CTNNA2: variants seen among roughly 807,000 people sequenced by gnomAD.
CTNNA2 encodes the protein catenin alpha 2.
In CTNNA2, 42 loss-of-function variants were observed where a neutral mutation model predicts 101.0. The ratio of observed to expected loss-of-function variants is 0.42; its 90% CI spans 0.32 to 0.54. CTNNA2 has a LOEUF of 0.54. CTNNA2 is among the 20% of genes least tolerant of loss of function. CTNNA2 has a pLI of 0.14. For missense variants in CTNNA2, 871 were observed against 1,223.1 expected (o/e 0.71, Z 4.29); for synonymous variants, 450 against 456.4 (o/e 0.99, Z 0.18).
At chr2:79,679,419 C>T (rs898391380) in intron 2 of CTNNA2, among the ~76,000 whole-genome samples, 6 of 152,094 alleles carry the variant, frequency 3.9e-5, no homozygotes, top group Middle Eastern at 3.2e-3. Flanking sequence ...ACCATGTCCC[C>T]GAGCCCTTTT....
At chr2:80,427,855 G>A (rs1001068620) in intron 9 of CTNNA2, among the ~76,000 whole-genome samples, 1 of 152,204 alleles carries the variant, frequency 6.6e-6, no homozygotes, top group African/African-American at 2.4e-5. Flanking sequence ...CTAGTTGCTG[G>A]CAACATAACC....
intron 1 of CTNNA2, among the ~76,000 whole-genome samples, chr2:79,570,299 A>G (rs1675383027): frequency 6.6e-6 from 1 of 152,128 alleles, no homozygotes; most frequent in South Asian, 2.1e-4. Context: ...TCTCTTATGT[A>G]TCTTTTGGGA....
At chr2:79,850,752 G>A (rs569077935) in intron 3 of CTNNA2, among the ~76,000 whole-genome samples, 1 of 152,276 alleles carries the variant, frequency 6.6e-6, no homozygotes, top group South Asian at 2.1e-4. Context: ...GTGACAATGA[G>A]AACACTTCCT....
At chr2:79,674,395 T>C (rs561473474) in intron 2 of CTNNA2, among the ~76,000 whole-genome samples, 3 of 152,346 alleles carry the variant, frequency 2.0e-5, no homozygotes, top group Admixed American at 2.0e-4. Flanking sequence ...CTCTGTAACT[T>C]CAGTTTGTTT....
At chr2:80,393,994 A>G (rs1263511921) in intron 8 of CTNNA2, among the ~76,000 whole-genome samples, 2 of 152,182 alleles carry the variant, frequency 1.3e-5, no homozygotes, top group Non-Finnish European at 2.9e-5. Context: ...AAGAGATTCT[A>G]TCACCCACTG....
At chr2:80,313,639 C>T (rs570830007) in intron 7 of CTNNA2, 4 of 1,608,012 alleles carry the variant, frequency 2.5e-6, no homozygotes, top group South Asian at 1.1e-5. Context: ...AGATGCATAC[C>T]ATGTCTGGAG....
chr2:79,958,381 G>A (rs1689390373), intron 7 of CTNNA2, among the ~76,000 whole-genome samples: 1 of 152,156 alleles, frequency 6.6e-6, no homozygotes, highest in African/African-American at 2.4e-5. Flanking sequence ...ATCTGGAGAT[G>A]GAGAGACTGT....
At position 79,412,697 on chromosome 2, in the gene CTNNA2, C is replaced by G. The variant is rs71424881; in HGVS notation, c.-135+38684C>G. Among the ~76,000 whole-genome samples the G allele has an allele frequency of 7.2e-5, 11 of 151,830 alleles. No individual in the cohort carries two copies. In the East Asian group the frequency reaches 1.4e-3, roughly 19 times the overall value. ...AAATAAAGATGTTCTTTGAAGCCAACGAGAACAAAGACACAGCATACCAGA... is the reference window on the plus strand; with the variant it reads ...AAATAAAGATGTTCTTTGAAGCCAAGGAGAACAAAGACACAGCATACCAGA... On this transcript the variant is annotated intron_variant, in intron 4 of 21. Coordinates refer to the CTNNA2 transcript ENST00000466387.
chr2:79,649,014 TG>T (rs2104461196), intron 1 of CTNNA2, among the ~76,000 whole-genome samples: 1 of 152,290 alleles, frequency 6.6e-6, no homozygotes. Flanking sequence ...TGGGAACTAT[TG>T]TTCTTTTATT....
At chr2:79,602,068 G>A (rs890990507) in intron 1 of CTNNA2, among the ~76,000 whole-genome samples, 2 of 152,234 alleles carry the variant, frequency 1.3e-5, no homozygotes, top group East Asian at 1.9e-4. Context: ...GGGTATTTGT[G>A]TTATAGTGTC....
intron 12 of CTNNA2, among the ~76,000 whole-genome samples, chr2:80,563,416 T>C (rs924385728): frequency 5.3e-5 from 8 of 152,148 alleles, no homozygotes; most frequent in Non-Finnish European, 1.2e-4. Flanking sequence ...ATTCCAGAAA[T>C]AGTTTTGGTA....
At chr2:80,540,780 C>T (rs1297143836) in intron 9 of CTNNA2, among the ~76,000 whole-genome samples, 6 of 152,028 alleles carry the variant, frequency 3.9e-5, no homozygotes, top group African/African-American at 7.2e-5. Flanking sequence ...CTGCAAACTG[C>T]GCTTCCCGGT....
At chr2:79,469,451 C>T (rs428707) in intron 4 of CTNNA2, among the ~76,000 whole-genome samples, 1 of 151,946 alleles carries the variant, frequency 6.6e-6, no homozygotes, top group Non-Finnish European at 1.5e-5. Context: ...ACCAGAGGTA[C>T]AAGGAGGAGC....
At chr2:80,343,421 A>C (rs1480107040) in intron 7 of CTNNA2, among the ~76,000 whole-genome samples, 2 of 151,802 alleles carry the variant, frequency 1.3e-5, no homozygotes, top group Admixed American at 6.6e-5. Flanking sequence ...AAAAAAAAAA[A>C]AAACACATAA....
chr2:80,373,182 A>G (rs116644145), intron 7 of CTNNA2, among the ~76,000 whole-genome samples: 4 of 124,676 alleles, frequency 3.2e-5, no homozygotes, highest in Non-Finnish European at 7.6e-5. Context: ...TGGAGTGAAC[A>G]AATCAGGACC....
chr2:80,012,782 T>G (rs1487776244), intron 7 of CTNNA2, among the ~76,000 whole-genome samples: 1 of 152,176 alleles, frequency 6.6e-6, no homozygotes, highest in African/African-American at 2.4e-5. Flanking sequence ...TATCTGCCAC[T>G]CATGAGAATA....
At chr2:79,896,513 T>G (rs1684725791) in intron 6 of CTNNA2, among the ~76,000 whole-genome samples, 1 of 152,236 alleles carries the variant, frequency 6.6e-6, no homozygotes, top group Admixed American at 6.5e-5. Flanking sequence ...GAAAAGGATA[T>G]TCTTGTTTTA....
chr2:80,439,656 C>T (rs187040765), intron 9 of CTNNA2, among the ~76,000 whole-genome samples: 564 of 152,296 alleles, frequency 3.7e-3, no homozygotes, highest in Non-Finnish European at 5.9e-3. Flanking sequence ...CTGCCTTGGC[C>T]TCCCGAAATG....
At chr2:79,415,572 AT>A (rs1250617059) in intron 4 of CTNNA2, among the ~76,000 whole-genome samples, 1 of 152,144 alleles carries the variant, frequency 6.6e-6, no homozygotes, top group African/African-American at 2.4e-5. Context: ...CTTATGTCAC[AT>A]AAACTTATTT....
Sources: gnomAD v4.1 joint callset for allele counts (sites outside exome capture counted in the v4.1 genomes callset) on GRCh38, gnomAD v4.1.1 for gene constraint, MANE v1.5 for transcripts, NCBI Gene and HGNC (gene_info 2026-07-23, HGNC 2026-07-21) for gene names.